Variants in LRRC7 observed in about 807,000 individuals in gnomAD.
The protein encoded by LRRC7 is leucine rich repeat containing 7.
A neutral mutation model predicts 175.7 loss-of-function variants in LRRC7; 23 were observed. That is an observed-to-expected ratio of 0.13 (90% confidence interval 0.09 to 0.19). LRRC7 has a LOEUF of 0.19. LRRC7 is among the 10% of genes least tolerant of loss of function. The probability of loss-of-function intolerance (pLI) is 1.00; values close to 1 mark genes in which losing one functional copy is unlikely to be tolerated. For synonymous variants in LRRC7, 685 were observed against 680.9 expected (o/e 1.01, Z -0.09); for missense variants, 1,354 against 1,904.7 (o/e 0.71, Z 5.38).
At chr1:69,766,113 A>G (rs1671599180) in intron 3 of LRRC7, among the ~76,000 whole-genome samples, 1 of 152,116 alleles carries the variant, frequency 6.6e-6, no homozygotes, top group Admixed American at 6.6e-5. Flanking sequence ...GTGAAATGAT[A>G]GTATAAACTC....
At chr1:70,100,487 A>G (rs1314250867) in intron 25 of LRRC7, among the ~76,000 whole-genome samples, 1 of 152,038 alleles carries the variant, frequency 6.6e-6, no homozygotes, top group Non-Finnish European at 1.5e-5. Context: ...CCCATAGTCC[A>G]TTTCTTTGGG....
intron 8 of LRRC7, among the ~76,000 whole-genome samples, chr1:69,962,937 C>T (rs1557935455): frequency 6.6e-6 from 1 of 151,984 alleles, no homozygotes; most frequent in African/African-American, 2.4e-5. Flanking sequence ...ACATATTTAC[C>T]TGTGTAACAA....
rs148105263 is a variant in LRRC7 at position 69,836,667 on chromosome 1, C to T, written c.591-1560C>T. ...GTTTAACAAGAGGACACTTGAAATT[C>T]CTTTTAAAACCTGAGATTCTGTACT... On this transcript the variant is annotated intron_variant, in intron 6 of 26. Transcript: ENST00000651989. Among the ~76,000 whole-genome samples, 498 of 151,826 alleles carry T rather than the reference C, an allele frequency of 3.3e-3. 1 individual carries two copies. Among genetic ancestry groups the T allele is most frequent in the African/African-American group, 0.011 (449 of 41,472 alleles).
At chr1:69,919,955 AG>A in intron 7 of LRRC7, 1 of 585,086 alleles carries the variant, frequency 1.7e-6, no homozygotes, top group East Asian at 3.3e-5. Flanking sequence ...AATGGCTGGG[AG>A]GGGGCCCTTC....
intron 1 of LRRC7, among the ~76,000 whole-genome samples, chr1:69,623,263 C>A (rs1330099518): frequency 6.6e-6 from 1 of 152,078 alleles, no homozygotes; most frequent in Admixed American, 6.6e-5. Flanking sequence ...TAAATCAATA[C>A]CTTTGGGGTT....
chr1:69,633,074 T>C (rs922670223), intron 1 of LRRC7, among the ~76,000 whole-genome samples: 8 of 151,980 alleles, frequency 5.3e-5, no homozygotes, highest in Non-Finnish European at 7.4e-5. Context: ...CTGAGTAATA[T>C]TTTTAAATCT....
At chr1:69,998,701 C>G (rs917307817) in intron 11 of LRRC7, among the ~76,000 whole-genome samples, 1 of 152,258 alleles carries the variant, frequency 6.6e-6, no homozygotes, top group East Asian at 1.9e-4. Context: ...TACCCTGGCT[C>G]TTTGAAGACA....
intron 2 of LRRC7, among the ~76,000 whole-genome samples, chr1:69,694,156 G>C (rs779758444): frequency 1.3e-5 from 2 of 152,110 alleles, no homozygotes; most frequent in African/African-American, 4.8e-5. Context: ...CTTGTAACTT[G>C]CCTCATCTTG....
intron 1 of LRRC7, among the ~76,000 whole-genome samples, chr1:69,582,918 G>A (rs879477204): frequency 1.3e-5 from 2 of 151,990 alleles, no homozygotes; most frequent in Non-Finnish European, 2.9e-5. Context: ...AATTTCTCAA[G>A]TAAATTACTT....
intron 4 of LRRC7, among the ~76,000 whole-genome samples, chr1:69,804,617 T>G (rs767533095): frequency 5.3e-5 from 8 of 151,658 alleles, no homozygotes; most frequent in Non-Finnish European, 1.0e-4. Context: ...AATATCTACA[T>G]TGCATGTAAA....
intron 15 of LRRC7, among the ~76,000 whole-genome samples, chr1:70,019,120 G>A (rs1353991676): frequency 6.6e-6 from 1 of 151,944 alleles, no homozygotes; most frequent in Non-Finnish European, 1.5e-5. Context: ...AAGCAGATCT[G>A]GTAACCAGCT....
chr1:69,668,751 C>T (rs558797569), intron 1 of LRRC7, among the ~76,000 whole-genome samples: 1 of 152,200 alleles, frequency 6.6e-6, no homozygotes, highest in Admixed American at 6.5e-5. Flanking sequence ...AAATAATTTA[C>T]ATGCCCACCA....
chr1:69,837,689 AAAC>A (rs1310167057), intron 6 of LRRC7, among the ~76,000 whole-genome samples: 1 of 151,834 alleles, frequency 6.6e-6, no homozygotes, highest in African/African-American at 2.4e-5. Flanking sequence ...GGATAAAATT[AAAC>A]AACAAATATA....
At chr1:69,738,785 T>C (rs1293918785) in intron 2 of LRRC7, among the ~76,000 whole-genome samples, 2 of 152,004 alleles carry the variant, frequency 1.3e-5, no homozygotes. Flanking sequence ...TAATAAACTA[T>C]CAGGAATTAC....
chr1:70,056,772 G>A (rs1019487927), intron 23 of LRRC7, among the ~76,000 whole-genome samples: 2 of 152,138 alleles, frequency 1.3e-5, no homozygotes, highest in African/African-American at 4.8e-5. Flanking sequence ...ATCAGTTGGC[G>A]TAGAGTAGAC....
At chr1:69,762,227 T>TA (rs899376400) in intron 3 of LRRC7, among the ~76,000 whole-genome samples, 2 of 152,016 alleles carry the variant, frequency 1.3e-5, no homozygotes, top group Non-Finnish European at 2.9e-5. Flanking sequence ...AGATAGGTAG[T>TA]AAAAACATGG....
chr1:69,914,299 G>A (rs947880660), intron 7 of LRRC7, among the ~76,000 whole-genome samples: 1 of 152,228 alleles, frequency 6.6e-6, no homozygotes, highest in Non-Finnish European at 1.5e-5. Flanking sequence ...CATTTAAATG[G>A]ATAAAACCTC....
At chr1:69,910,063 C>T (rs568233347) in intron 7 of LRRC7, among the ~76,000 whole-genome samples, 23 of 152,284 alleles carry the variant, frequency 1.5e-4, no homozygotes, top group Admixed American at 3.3e-4. Flanking sequence ...TTGATCGCAT[C>T]GGCTCCTGAG....
At chr1:70,014,450 A>G (rs1339390635) in intron 13 of LRRC7, among the ~76,000 whole-genome samples, 1 of 151,992 alleles carries the variant, frequency 6.6e-6, no homozygotes, top group Non-Finnish European at 1.5e-5. Context: ...GGAGCTCACA[A>G]TGTCAGAAGT....
Sources: gnomAD v4.1 joint callset for allele counts (sites outside exome capture counted in the v4.1 genomes callset) on GRCh38, gnomAD v4.1.1 for gene constraint, MANE v1.5 for transcripts, NCBI Gene and HGNC (gene_info 2026-07-23, HGNC 2026-07-21) for gene names.